The following ARHGEF3 variants were observed in gnomAD, a reference collection of about 807,000 sequenced individuals.
The protein encoded by ARHGEF3 is 59.8 kDA protein.
Under a neutral mutation model 63.2 loss-of-function variants are expected in ARHGEF3, and 28 were observed. The observed-to-expected ratio is 0.44, with a 90% CI of 0.33 to 0.61. The LOEUF is 0.61. Among genes scored for constraint, ARHGEF3 ranks in the 20% least tolerant of loss-of-function variants. The probability of loss-of-function intolerance (pLI) is 0.03; values close to 1 mark genes in which losing one functional copy is unlikely to be tolerated. For synonymous variants in ARHGEF3, 266 were observed against 254.2 expected (o/e 1.05, Z -0.44); for missense variants, 533 against 659.3 (o/e 0.81, Z 2.10).
intron 2 of ARHGEF3, among the ~76,000 whole-genome samples, chr3:56,983,713 G>A (rs571233132): frequency 3.3e-5 from 5 of 152,158 alleles, no homozygotes; most frequent in South Asian, 2.1e-4. Flanking sequence ...AGAGGCGGGC[G>A]GATCATGAGG....
chr3:56,779,947 G>C (rs960004103), intron 1 of ARHGEF3, among the ~76,000 whole-genome samples: 1 of 152,120 alleles, frequency 6.6e-6, no homozygotes, highest in African/African-American at 2.4e-5. Flanking sequence ...CTTACAATCT[G>C]TGCAGGTGCT....
intron 2 of ARHGEF3, among the ~76,000 whole-genome samples, chr3:57,004,450 C>T (rs1356338351): frequency 1.3e-5 from 2 of 152,204 alleles, no homozygotes; most frequent in Non-Finnish European, 2.9e-5. Context: ...TTCAGTTCCT[C>T]ACCGCACCTT....
intron 1 of ARHGEF3, among the ~76,000 whole-genome samples, chr3:57,043,476 A>C (rs1217756468): frequency 8.4e-6 from 1 of 119,066 alleles, no homozygotes; most frequent in African/African-American, 3.0e-5. Context: ...GTATTACTAA[A>C]ATTGTTTCAA....
At chr3:56,948,289 T>G (rs1699619557) in intron 3 of ARHGEF3, among the ~76,000 whole-genome samples, 1 of 152,070 alleles carries the variant, frequency 6.6e-6, no homozygotes, top group Admixed American at 6.6e-5. Flanking sequence ...AGAGCAGAAC[T>G]GAAGGAGATA....
At chr3:56,929,623 T>C (rs971847098) in intron 3 of ARHGEF3, among the ~76,000 whole-genome samples, 1 of 152,182 alleles carries the variant, frequency 6.6e-6, no homozygotes, top group Non-Finnish European at 1.5e-5. Flanking sequence ...GGACATGGAA[T>C]GACTTAAGCA....
chr3:56,898,663 C>A, intron 3 of ARHGEF3: 2 of 229,128 alleles, frequency 8.7e-6, no homozygotes, highest in Non-Finnish European at 1.9e-5. Flanking sequence ...GAAAATGAGA[C>A]AAAGAAAAGG....
At position 57,002,704 on chromosome 3, in the gene ARHGEF3, T is replaced by C. The variant is rs369870831; in HGVS notation, c.62+32384A>G. Among the ~76,000 whole-genome samples, 8 of 149,282 alleles carry C rather than the reference T, an allele frequency of 5.4e-5. No homozygotes were observed. The East Asian group carries it at 1.2e-3, about 22-fold the overall frequency. ...TATTTCGTCACCCAGGAATTAAGCCTAGTACCTATTGCTATTTAGCACTTC... is the reference window on the plus strand; with the variant it reads ...TATTTCGTCACCCAGGAATTAAGCCCAGTACCTATTGCTATTTAGCACTTC... On this transcript the variant is annotated intron_variant, in intron 2 of 12. Coordinates refer to the ARHGEF3 transcript ENST00000338458.
chr3:56,781,556 T>G (rs1464299215), intron 1 of ARHGEF3, among the ~76,000 whole-genome samples: 1 of 152,216 alleles, frequency 6.6e-6, no homozygotes, highest in Non-Finnish European at 1.5e-5. Context: ...TCTGCTGACA[T>G]TTTCATTTCA....
At chr3:57,029,015 A>ACACACACACACC (rs1333391405) in intron 2 of ARHGEF3, among the ~76,000 whole-genome samples, 1 of 149,596 alleles carries the variant, frequency 6.7e-6, no homozygotes, top group Non-Finnish European at 1.5e-5. Context: ...ACACACACAC[A>ACACACACACACC]CCTCCCAAAA....
intron 2 of ARHGEF3, among the ~76,000 whole-genome samples, chr3:57,001,023 T>TC (rs1702172843): frequency 6.6e-6 from 1 of 152,178 alleles, no homozygotes; most frequent in South Asian, 2.1e-4. Flanking sequence ...CACTGCAGCC[T>TC]CAAATCCCTG....
At chr3:57,007,217 G>A (rs1386026044) in intron 2 of ARHGEF3, 1 of 1,288,946 alleles carries the variant, frequency 7.8e-7, no homozygotes, top group Non-Finnish European at 1.0e-6. Flanking sequence ...CTTAGGAGTC[G>A]AAGGTGGGGG....
intron 1 of ARHGEF3, among the ~76,000 whole-genome samples, chr3:57,049,914 T>C (rs1297430981): frequency 6.6e-6 from 1 of 152,162 alleles, no homozygotes; most frequent in Non-Finnish European, 1.5e-5. Flanking sequence ...CAGATGAGGA[T>C]AGTGAGGGTC....
intron 4 of ARHGEF3, 29 bp downstream of exon 4, chr3:56,753,475 A>C: frequency 6.2e-7 from 1 of 1,603,896 alleles, no homozygotes; most frequent in Non-Finnish European, 8.5e-7. Context: ...ATGTGACTTG[A>C]CTCAAGTGAC....
At chr3:56,876,434 A>G (rs981835400) in intron 4 of ARHGEF3, among the ~76,000 whole-genome samples, 2 of 152,122 alleles carry the variant, frequency 1.3e-5, no homozygotes, top group African/African-American at 4.8e-5. Context: ...GCTCCAGAAG[A>G]GCCTCCTCCA....
chr3:56,944,541 C>G (rs1205210620), intron 3 of ARHGEF3, among the ~76,000 whole-genome samples: 1 of 123,082 alleles, frequency 8.1e-6, no homozygotes, highest in Non-Finnish European at 1.7e-5. Flanking sequence ...GGAGTTGCTT[C>G]TTATGGATGA....
At chr3:56,734,586 A>T (rs1363049239) in intron 8 of ARHGEF3, among the ~76,000 whole-genome samples, 3 of 152,226 alleles carry the variant, frequency 2.0e-5, no homozygotes, top group African/African-American at 7.2e-5. Flanking sequence ...TCTAAAACAA[A>T]AATGGGAACT....
chr3:56,804,138 A>G (rs965031998), upstream of ARHGEF3, among the ~76,000 whole-genome samples: 6 of 152,128 alleles, frequency 3.9e-5, no homozygotes, highest in Admixed American at 3.3e-4. Context: ...ACCTGCCTCA[A>G]CCACCCAAAG....
At chr3:56,773,590 T>C (rs1251533740) in intron 2 of ARHGEF3, 119 bp downstream of exon 2, 4 of 858,788 alleles carry the variant, frequency 4.7e-6, no homozygotes, top group East Asian at 5.7e-5. Context: ...CACTCTTCTA[T>C]TGAAATAAGC....
At chr3:56,852,852 C>A (rs2039725283) in intron 4 of ARHGEF3, among the ~76,000 whole-genome samples, 1 of 152,182 alleles carries the variant, frequency 6.6e-6, no homozygotes. Context: ...TCCTCTCAAC[C>A]ATTTCCTTGA....
Sources: gnomAD v4.1 joint callset for allele counts (sites outside exome capture counted in the v4.1 genomes callset) on GRCh38, gnomAD v4.1.1 for gene constraint, MANE v1.5 for transcripts, NCBI Gene and HGNC (gene_info 2026-07-23, HGNC 2026-07-21) for gene names.